The following NIF3L1 variants were observed in gnomAD, a reference collection of about 807,000 sequenced individuals.
NIF3L1 encodes NIF3-like protein 1.
NIF3L1 carries 26 observed loss-of-function variants against 35.0 expected under a neutral mutation model. That is an observed-to-expected ratio of 0.74 (90% CI 0.54 to 1.03). The LOEUF is 1.03. NIF3L1 is among the 50% of genes least tolerant of loss of function. The probability of loss-of-function intolerance (pLI) is 0.00; values close to 1 mark genes in which losing one functional copy is unlikely to be tolerated. For synonymous variants in NIF3L1, 157 were observed against 178.9 expected, an observed-to-expected ratio of 0.88 and a Z score of 0.98; for missense variants, 449 against 466.3, an observed-to-expected ratio of 0.96 and a Z score of 0.34.
Position 200,889,429 on chromosome 2 carries a change from T to C in NIF3L1, c.-250T>C, listed in dbSNP as rs2040115196. On this transcript the variant is annotated 5_prime_UTR_variant, in exon 1 of 7. Transcript: ENST00000409020. ...CGATTTAAAAACCCGCGAGTGTAGT[T>C]GTGACCTTCGCGGTAGGTGCCGGTT... 1 of 227,666 alleles carries C rather than the reference T, an allele frequency of 4.4e-6. No homozygotes were observed. 14.1% of individuals were successfully genotyped at this position (227,666 alleles called of 1,614,324 possible).
intron 1 of NIF3L1, among the ~76,000 whole-genome samples, chr2:200,890,797 C>T (rs2040167615): frequency 6.6e-6 from 1 of 151,992 alleles, no homozygotes; most frequent in Non-Finnish European, 1.5e-5. Context: ...TACCTTATCC[C>T]CTCCCACCTC....
At chr2:200,900,067 A>G (rs2040386745) in intron 6 of NIF3L1, among the ~76,000 whole-genome samples, 1 of 152,108 alleles carries the variant, frequency 6.6e-6, no homozygotes, top group African/African-American at 2.4e-5. Context: ...TTCTCTGGCT[A>G]GAATGCCTTT....
At chr2:200,900,501 G>A (rs965347126) in intron 6 of NIF3L1, among the ~76,000 whole-genome samples, 1 of 151,868 alleles carries the variant, frequency 6.6e-6, no homozygotes, top group African/African-American at 2.4e-5. Flanking sequence ...TGCTTCCCTT[G>A]CCTCCCACAC....
At chr2:200,899,061 T>C (rs1000160673) in intron 5 of NIF3L1, 2 of 246,038 alleles carry the variant, frequency 8.1e-6, no homozygotes, top group Non-Finnish European at 1.6e-5. Context: ...TTGGATGATA[T>C]AGATTAGCAT....
In NIF3L1 at chr2:200,897,052, TTTCTAAC is replaced by T; in HGVS notation, c.727-19_727-13del. ...GTTTTAGGACTAACAATGCACACCG[TTTCTAAC>T]TTCTGTTTCTCCTCAGCCTTTGCTT... On this transcript the variant is annotated splice_polypyrimidine_tract_variant and intron_variant, in intron 4 of 6. Coordinates refer to ENST00000409020, the MANE Select transcript of NIF3L1 (RefSeq NM_001369441.2). 3 of 1,612,338 alleles carry T rather than the reference TTTCTAAC, an allele frequency of 1.9e-6. No individual in the cohort carries two copies. The highest frequency in any genetic ancestry group is 2.5e-6 in the Non-Finnish European group (3 of 1,178,734).
At position 200,892,306 on chromosome 2, in the gene NIF3L1, C is replaced by T. The variant is rs35744596; in HGVS notation, c.363C>T (p.Val121=). 545 of 1,613,662 alleles carry T rather than the reference C, an allele frequency of 3.4e-4. No individual in the cohort carries two copies. The highest frequency in any genetic ancestry group is 4.4e-4 in the Non-Finnish European group (519 of 1,180,018). The change falls in exon 2 of 7, where the codon GTC becomes GTT. Residue 121 remains valine (V), a synonymous_variant. Coordinates refer to ENST00000409020, the MANE Select transcript of NIF3L1 (RefSeq NM_001369441.2). ...TGATCCGGGCTCTGGAGAACAGAGT[C>T]GGTATCTACTCTCCTCATACAGCCT... ...RLVIRALENR[V]GIYSPHTAYD...
rs753071989 is a variant in NIF3L1, at chr2:200,895,254, T to C, written c.600-10T>C. ...TATTTGTCCTAAATGGAGTGATTTT[T>C]CCCCCCTAGGACTGGTAATGAGGAA... is the stretch of plus-strand genomic sequence containing the variant. On this transcript the variant is annotated splice_polypyrimidine_tract_variant and intron_variant, in intron 3 of 6. Coordinates refer to ENST00000409020, the MANE Select transcript of NIF3L1 (RefSeq NM_001369441.2). 2.9e-5 allele frequency: 46 copies of C among 1,610,952 alleles called. No homozygotes were observed. The highest frequency in any genetic ancestry group is 1.3e-4 in the Admixed American group (8 of 59,714).
chr2:200,897,136 G>C lies in NIF3L1; in HGVS notation c.787G>C (p.Ala263Pro), dbSNP rs184125895. The C allele has an allele frequency of 1.6e-5, 26 of 1,613,980 alleles. No individual in the cohort carries two copies. Among genetic ancestry groups the C allele is most frequent in the Non-Finnish European group, 8.5e-6 (10 of 1,179,926 alleles). ...CACACTGGATGAATCTGTCTCCCTG[G>C]CAACCATGATTGATCGAATAAAAAG... ...LCTLDESVSLATMIDRIKRHL... is the reference protein window; with the variant it reads ...LCTLDESVSLPTMIDRIKRHL... Residue 263 changes from alanine (A) to proline (P), a missense_variant, in exon 5 of 7, where the codon GCA (alanine) becomes CCA (proline). Transcript: ENST00000409020.
Position 200,893,299 on chromosome 2 carries a change from G to A in NIF3L1, c.490G>A (p.Glu164Lys). 6.2e-7 allele frequency: 1 copy of A among 1,607,044 alleles called. No individual in the cohort carries two copies. The highest frequency in any genetic ancestry group is 1.3e-5 in the African/African-American group (1 of 74,518). ...TTCCAAAGCTCCCAACTACCCTACA[G>A]AGGGAAACCACCGAGTAGAATTCAA... is the stretch of plus-strand genomic sequence containing the variant. Reference protein sequence around the residue: ...HPSKAPNYPTEGNHRVEFNVN... With the variant: ...HPSKAPNYPTKGNHRVEFNVN... Residue 164 changes from glutamate (E) to lysine (K), a missense_variant, in exon 3 of 7, where the codon GAG (glutamate) becomes AAG (lysine). Glu to Lys is a moderately conservative substitution (Grantham distance 56). Transcript: ENST00000409020.
chr2:200,895,991 CCATATTT>C (rs934384279), intron 4 of NIF3L1, among the ~76,000 whole-genome samples: 9 of 137,210 alleles, frequency 6.6e-5, no homozygotes, highest in Admixed American at 5.7e-4. Context: ...TTTTTTTTTT[CCATATTT>C]CATATTTCAG....
Position 200,892,395 on chromosome 2 carries a change from C to A in NIF3L1, c.436+16C>A, listed in dbSNP as rs370888604. On this transcript the variant is annotated intron_variant, in intron 2 of 6. Coordinates refer to ENST00000409020, the MANE Select transcript of NIF3L1 (RefSeq NM_001369441.2). ...AAAGGGCTTGGTGAGAAGCCTCTTT[C>A]ATATTTGATATTTTCCCTGCAAATA... is the stretch of plus-strand genomic sequence containing the variant. 1.9e-6 allele frequency: 3 copies of A among 1,544,070 alleles called. No individual in the cohort carries two copies. Among genetic ancestry groups the A allele is most frequent in the Non-Finnish European group, 2.6e-6 (3 of 1,150,670 alleles).
intron 6 of NIF3L1, among the ~76,000 whole-genome samples, chr2:200,901,046 A>G (rs1165850268): frequency 6.6e-6 from 1 of 152,214 alleles, no homozygotes; most frequent in Non-Finnish European, 1.5e-5. Context: ...TGCAGACATG[A>G]CAATTTCTTT....
chr2:200,903,433 T>G, intron 6 of NIF3L1, 61 bp from the exon 7 acceptor site: 2 of 1,386,496 alleles, frequency 1.4e-6, no homozygotes. Flanking sequence ...TGCTTTTGTG[T>G]TTCCTCATTC....
chr2:200,902,518 A>G (rs2040425163), intron 6 of NIF3L1, among the ~76,000 whole-genome samples: 1 of 152,174 alleles, frequency 6.6e-6, no homozygotes, highest in African/African-American at 2.4e-5. Flanking sequence ...CAGTGAGCTG[A>G]GATCGTGCTA....
chr2:200,898,668 G>A (rs1010258016), intron 5 of NIF3L1, among the ~76,000 whole-genome samples: 4 of 152,206 alleles, frequency 2.6e-5, no homozygotes, highest in African/African-American at 9.7e-5. Flanking sequence ...ATACCCTGCT[G>A]CTGAACTGGA....
Position 200,899,076 on chromosome 2 carries a change from C to T in NIF3L1, c.866-309C>T, listed in dbSNP as rs2040366455. The stretch of plus-strand genomic sequence containing the variant: ...TTGGATGATATAGATTAGCATGGCC[C>T]CTATGCAAAGATTACACGCAAATTT... On this transcript the variant is annotated intron_variant, in intron 5 of 6. Transcript: ENST00000409020. The T allele has an allele frequency of 1.1e-5, 3 of 268,788 alleles. No homozygotes were observed. The South Asian group carries it at 1.6e-4, about 15-fold the overall frequency. The allele number at this position is 268,788 out of a possible 1,614,324, so 16.7% of individuals were successfully genotyped here.
chr2:200,892,172 G>C lies in NIF3L1; in HGVS notation c.229G>C (p.Val77Leu). 6.2e-7 allele frequency: 1 copy of C among 1,614,230 alleles called. No individual in the cohort carries two copies. The highest frequency in any genetic ancestry group is 8.5e-7 in the Non-Finnish European group (1 of 1,180,044). ...CCTGACCAATGACCTGACTGAGGAA[G>C]TGATGGAGGAGGTGCTGCAAAAGAA... ...LFLTNDLTEE[V>L]MEEVLQKKAD... The change falls in exon 2 of 7, where the codon GTG (valine) becomes CTG (leucine). Residue 77 changes from valine to leucine, a missense_variant. Physicochemically the swap from Val to Leu is conservative, Grantham distance 32. Coordinates refer to ENST00000409020, the MANE Select transcript of NIF3L1 (RefSeq NM_001369441.2).
chr2:200,891,702 C>T, intron 1 of NIF3L1: 1 of 539,524 alleles, frequency 1.9e-6, no homozygotes, highest in East Asian at 3.1e-5. Flanking sequence ...TCTGGATGGC[C>T]TGTGAAGTGG....
rs371643422 is a variant in NIF3L1 at position 200,903,726 on chromosome 2, A to C, written c.*48A>C. On this transcript the variant is annotated 3_prime_UTR_variant, in exon 7 of 7. Coordinates refer to ENST00000409020, the MANE Select transcript of NIF3L1 (RefSeq NM_001369441.2). ...CATTCTACAAATCAGCTGGATGCCA[A>C]CTTAAATTTGTAACATGAGTCAGTG... 3.3e-6 allele frequency: 5 copies of C among 1,503,010 alleles called. No individual in the cohort carries two copies. In the African/African-American group the frequency reaches 5.5e-5, roughly 17 times the overall value. 93.1% of individuals were successfully genotyped at this position (1,503,010 alleles called of 1,614,324 possible). A position where few individuals can be genotyped will look rare whatever the true frequency, so the allele number is the denominator to read the frequency against.
Sources: allele counts gnomAD v4.1 joint callset (sites outside exome capture counted in the v4.1 genomes callset), GRCh38; gene constraint gnomAD v4.1.1; transcripts MANE v1.5; gene names NCBI Gene and HGNC (gene_info 2026-07-23, HGNC 2026-07-21).